CBLB: variants seen among roughly 807,000 people sequenced by gnomAD.
CBLB encodes the protein Cbl proto-oncogene B.
A neutral mutation model predicts 104.9 loss-of-function variants in CBLB; 31 were observed. The observed-to-expected ratio is 0.30, with a 90% CI of 0.22 to 0.40. The LOEUF (loss-of-function observed/expected upper bound fraction) is 0.40, where lower values mean the gene tolerates loss of function less well. Ranked by LOEUF, CBLB falls within the 10% of genes least tolerant of loss-of-function variation. The probability of loss-of-function intolerance (pLI) is 1.00; values close to 1 mark genes in which losing one functional copy is unlikely to be tolerated. For synonymous variants in CBLB, 440 were observed against 422.6 expected, an observed-to-expected ratio of 1.04 and a Z score of -0.51; for missense variants, 1,062 against 1,214.6, an observed-to-expected ratio of 0.87 and a Z score of 1.87.
chr3:105,665,402 TAAATAAATAAATAA>T (rs1490817191), intron 18 of CBLB, among the ~76,000 whole-genome samples: 3 of 96,444 alleles, frequency 3.1e-5, no homozygotes, highest in African/African-American at 1.2e-4. Flanking sequence ...AATAAATAAA[TAAATAAATAAATAA>T]ATATATATAT....
intron 4 of CBLB, among the ~76,000 whole-genome samples, chr3:105,755,862 G>T (rs778913582): frequency 5.9e-5 from 9 of 152,104 alleles, no homozygotes; most frequent in Admixed American, 5.2e-4. Context: ...CAAAATATTT[G>T]AAAACAAATA....
At chr3:105,778,226 A>G (rs1435823110) in intron 3 of CBLB, among the ~76,000 whole-genome samples, 2 of 152,126 alleles carry the variant, frequency 1.3e-5, no homozygotes, top group East Asian at 3.8e-4. Flanking sequence ...AAAGTCATCA[A>G]ATTTGCAACA....
At chr3:105,716,398 C>G (rs1411520139) in intron 10 of CBLB, among the ~76,000 whole-genome samples, 1 of 152,106 alleles carries the variant, frequency 6.6e-6, no homozygotes, top group African/African-American at 2.4e-5. Context: ...TGCCTGGGAA[C>G]ACAAATACAA....
At chr3:105,824,633 T>C (rs2153065109) in intron 3 of CBLB, among the ~76,000 whole-genome samples, 1 of 152,192 alleles carries the variant, frequency 6.6e-6, no homozygotes, top group South Asian at 2.1e-4. Context: ...CCATTCCTAT[T>C]CACAACTAAA....
intron 14 of CBLB, 83 bp from the exon 15 acceptor site, chr3:105,681,901 T>C (rs2152728533): frequency 3.7e-6 from 3 of 800,688 alleles, no homozygotes; most frequent in Non-Finnish European, 6.5e-6. Flanking sequence ...GAACTAGTAT[T>C]CCTGTTTATT....
At position 105,852,126 on chromosome 3, in the gene CBLB, A is replaced by C. The variant is rs555755288; in HGVS notation, c.419+1288T>G. On this transcript the variant is annotated intron_variant, in intron 3 of 18. Coordinates refer to ENST00000394030, the MANE Select transcript of CBLB (RefSeq NM_170662.5). ...GGGTATTCCTTCTACTTATTAAAAAACAGCTAACAGTAAAAGGGCCTCAGG... is the reference window on the plus strand; with the variant it reads ...GGGTATTCCTTCTACTTATTAAAAACCAGCTAACAGTAAAAGGGCCTCAGG... Among the ~76,000 whole-genome samples the C allele has an allele frequency of 2.1e-3, 321 of 152,324 alleles. 1 individual carries two copies. The highest frequency in any genetic ancestry group is 7.6e-3 in the African/African-American group (314 of 41,582).
chr3:105,780,347 G>C (rs570919166), intron 3 of CBLB, among the ~76,000 whole-genome samples: 3 of 151,852 alleles, frequency 2.0e-5, no homozygotes, highest in African/African-American at 7.3e-5. Context: ...TCCCATCATT[G>C]TAAGACCTAA....
rs1156808270 is a variant in CBLB, at chr3:105,737,261, G to A, written c.984-3C>T. The A allele has an allele frequency of 1.4e-6, 2 of 1,465,728 alleles. No individual in the cohort carries two copies. 90.8% of individuals were successfully genotyped at this position (1,465,728 alleles called of 1,614,324 possible). Reference sequence around the variant, plus strand: ...TCCTCCCATCAGGATAAAGATAACTGAATTTAAACAGAAACTTTATTACCT... The same window carrying A: ...TCCTCCCATCAGGATAAAGATAACTAAATTTAAACAGAAACTTTATTACCT... On this transcript the variant is annotated splice_polypyrimidine_tract_variant and splice_region_variant and intron_variant, in intron 7 of 18. Transcript: ENST00000394030.
At position 105,702,191 on chromosome 3, in the gene CBLB, G is replaced by A. The variant is rs757777424; in HGVS notation, c.1862C>T (p.Ala621Val). 4 of 1,613,926 alleles carry A rather than the reference G, an allele frequency of 2.5e-6. No homozygotes were observed. Among genetic ancestry groups the A allele is most frequent in the African/African-American group, 2.7e-5 (2 of 74,870 alleles). ...GTGCCTTCCATTGACATTTGAACTC[G>A]CTGTGATTCCAGGTTTTGGAGAGCC... The part of the protein sequence containing the change: ...GEGSPKPGIT[A>V]SSNVNGRHSR... Residue 621 changes from alanine (A) to valine (V), a missense_variant, in exon 12 of 19, where the codon GCG (alanine) becomes GTG (valine). Ala to Val is a moderately conservative substitution (Grantham distance 64). Transcript: ENST00000394030.
chr3:105,684,528 A>G (rs1402584037), intron 14 of CBLB, among the ~76,000 whole-genome samples: 1 of 149,842 alleles, frequency 6.7e-6, no homozygotes, highest in African/African-American at 2.5e-5. Context: ...CACAAAAGTA[A>G]GGAAAAAACC....
At chr3:105,667,028 G>C (rs2064545349) in intron 18 of CBLB, among the ~76,000 whole-genome samples, 2 of 152,088 alleles carry the variant, frequency 1.3e-5, no homozygotes, top group Non-Finnish European at 2.9e-5. Context: ...TTGAATACTT[G>C]GTCCTAATAT....
Position 105,749,317 on chromosome 3 carries a change from G to A in CBLB, c.723+2145C>T, listed in dbSNP as rs529235268. 8.5e-5 allele frequency among the ~76,000 whole-genome samples: 13 copies of A among 152,258 alleles called. 1 individual carries two copies. The highest frequency in any genetic ancestry group is 4.1e-4 in the South Asian group (2 of 4,822). ...AATGATTAGGCATTCCCTAGCCCAG[G>A]TAAGATTTTCATTTTATGATATAAA... On this transcript the variant is annotated intron_variant, in intron 5 of 18. Coordinates refer to ENST00000394030, the MANE Select transcript of CBLB (RefSeq NM_170662.5).
chr3:105,798,031 C>T (rs7634020), intron 3 of CBLB, among the ~76,000 whole-genome samples: 152,319 of 152,390 alleles, frequency 1, 76,124 homozygotes, highest in Non-Finnish European at 1. Context: ...GAGCAACTTA[C>T]CTTGGCCATT....
At chr3:105,771,793 A>C (rs1350739360) in intron 4 of CBLB, among the ~76,000 whole-genome samples, 2 of 152,164 alleles carry the variant, frequency 1.3e-5, no homozygotes, top group East Asian at 1.9e-4. Context: ...ACAGCTGAAA[A>C]AAATAAAATA....
At chr3:105,841,148 T>C (rs1201630100) in intron 3 of CBLB, among the ~76,000 whole-genome samples, 2 of 151,658 alleles carry the variant, frequency 1.3e-5, no homozygotes, top group Non-Finnish European at 2.9e-5. Context: ...CAAAAACAAT[T>C]AGCTCTGCAT....
chr3:105,656,008 CA>C lies in CBLB; in HGVS notation c.*2961del. 4.4e-6 allele frequency: 1 copy of C among 227,782 alleles called. No homozygotes were observed. Among genetic ancestry groups the C allele is most frequent in the Non-Finnish European group, 8.7e-6 (1 of 114,806 alleles). 14.1% of individuals were successfully genotyped at this position (227,782 alleles called of 1,614,324 possible). Reference sequence around the variant, plus strand: ...TTATGAAGACTATTTGCAATGTGGGCAAAAGGGAAACAGAGAGGGAAGAGCT... The same window carrying C: ...TTATGAAGACTATTTGCAATGTGGGCAAAGGGAAACAGAGAGGGAAGAGCT... On this transcript the variant is annotated 3_prime_UTR_variant, in exon 19 of 19. Transcript: ENST00000394030.
chr3:105,688,709 T>C (rs2067302211), intron 13 of CBLB, among the ~76,000 whole-genome samples: 2 of 151,970 alleles, frequency 1.3e-5, no homozygotes, highest in Non-Finnish European at 2.9e-5. Context: ...CAAAACAAAA[T>C]ATAGCTATAT....
At chr3:105,752,886 G>A (rs1429364443) in intron 4 of CBLB, among the ~76,000 whole-genome samples, 1 of 152,180 alleles carries the variant, frequency 6.6e-6, no homozygotes, top group Non-Finnish European at 1.5e-5. Flanking sequence ...GGCTGCTGCT[G>A]CTGCTGCTGC....
chr3:105,848,850 C>G (rs1343965179), intron 3 of CBLB, among the ~76,000 whole-genome samples: 2 of 152,050 alleles, frequency 1.3e-5, no homozygotes, highest in Non-Finnish European at 2.9e-5. Context: ...TCCCAGTAAC[C>G]AGCGTTGTCA....
Sources: allele counts gnomAD v4.1 joint callset (sites outside exome capture counted in the v4.1 genomes callset), GRCh38; gene constraint gnomAD v4.1.1; transcripts MANE v1.5; gene names NCBI Gene and HGNC (gene_info 2026-07-23, HGNC 2026-07-21).